The following GNB4 variants were observed in gnomAD, a reference collection of about 807,000 sequenced individuals.
GNB4 encodes the protein guanine nucleotide-binding protein subunit beta-4.
Under a neutral mutation model 45.2 loss-of-function variants are expected in GNB4, and 28 were observed. The ratio of observed to expected loss-of-function variants is 0.62; its 90% CI spans 0.46 to 0.85. The LOEUF is 0.85. Ranked by LOEUF, GNB4 falls within the 40% of genes least tolerant of loss-of-function variation. GNB4 has a pLI of 0.00. For missense variants in GNB4, 321 were observed against 425.4 expected (o/e 0.75, Z 2.16); for synonymous variants, 132 against 143.7 (o/e 0.92, Z 0.58).
chr3:179,486,918 C>T, the GNB4 span, among the ~76,000 whole-genome samples: 6 of 152,190 alleles, frequency 3.9e-5, no homozygotes, highest in Non-Finnish European at 7.3e-5. Flanking sequence ...GTTTAAACAT[C>T]GGGCCTCACA....
chr3:179,413,841 G>T, intron 6 of GNB4, 60 bp from the exon 7 acceptor site: 1 of 1,179,238 alleles, frequency 8.5e-7, no homozygotes, highest in Non-Finnish European at 1.3e-6. Context: ...CAGTTACCAT[G>T]TGAAATAGCA....
the GNB4 span, among the ~76,000 whole-genome samples, chr3:179,477,211 A>G: frequency 1.3e-5 from 2 of 151,452 alleles, no homozygotes; most frequent in Non-Finnish European, 2.9e-5. Context: ...CACTTTTTAA[A>G]TTCTTTACAA....
chr3:179,408,252 AAC>A (rs1179331670), intron 8 of GNB4, among the ~76,000 whole-genome samples: 1 of 152,200 alleles, frequency 6.6e-6, no homozygotes, highest in Non-Finnish European at 1.5e-5. Context: ...AGATAAAATT[AAC>A]AGACAAGGAC....
the GNB4 span, among the ~76,000 whole-genome samples, chr3:179,520,036 G>A: frequency 0.18 from 26,791 of 151,962 alleles, 2,502 homozygotes; most frequent in Admixed American, 0.22. Flanking sequence ...TATCCACCCC[G>A]TGGTGGCACA....
the GNB4 span, among the ~76,000 whole-genome samples, chr3:179,525,892 G>T: frequency 1.3e-5 from 2 of 152,196 alleles, no homozygotes; most frequent in African/African-American, 4.8e-5. Flanking sequence ...TCTCCTCATG[G>T]AGTGAGGGTG....
intron 9 of GNB4, among the ~76,000 whole-genome samples, chr3:179,402,744 C>T (rs1338309177): frequency 6.6e-6 from 1 of 152,152 alleles, no homozygotes; most frequent in African/African-American, 2.4e-5. Flanking sequence ...AGTGTCCCTA[C>T]TAGGTAGAAC....
At chr3:179,494,983 G>C in the GNB4 span, among the ~76,000 whole-genome samples, 21 of 150,662 alleles carry the variant, frequency 1.4e-4, no homozygotes, top group African/African-American at 4.2e-4. Context: ...TCTTTGGAGA[G>C]ATATGGATAT....
chr3:179,469,182 G>T, the GNB4 span, among the ~76,000 whole-genome samples: 2 of 152,102 alleles, frequency 1.3e-5, no homozygotes, highest in Non-Finnish European at 2.9e-5. Flanking sequence ...TTTCTAAAAT[G>T]CATGAAACCA....
At chr3:179,418,802 A>T (rs1227429405) in intron 4 of GNB4, among the ~76,000 whole-genome samples, 1 of 152,268 alleles carries the variant, frequency 6.6e-6, no homozygotes, top group Non-Finnish European at 1.5e-5. Context: ...GGAAAAACAT[A>T]GGCTGTGCTG....
the GNB4 span, among the ~76,000 whole-genome samples, chr3:179,489,542 G>A: frequency 1.3e-5 from 2 of 152,132 alleles, no homozygotes; most frequent in African/African-American, 4.8e-5. Context: ...TCAGGGGGCT[G>A]AAGTGGAAGG....
At chr3:179,469,995 GATTA>G in the GNB4 span, among the ~76,000 whole-genome samples, 1 of 152,176 alleles carries the variant, frequency 6.6e-6, no homozygotes, top group African/African-American at 2.4e-5. Flanking sequence ...TGATCCCATA[GATTA>G]CAAGGAAGCT....
At chr3:179,477,974 C>T in the GNB4 span, among the ~76,000 whole-genome samples, 1 of 152,088 alleles carries the variant, frequency 6.6e-6, no homozygotes, top group African/African-American at 2.4e-5. Flanking sequence ...TAACAGAATA[C>T]CATAGACAGG....
At chr3:179,459,724 C>T in the GNB4 span, among the ~76,000 whole-genome samples, 1 of 151,850 alleles carries the variant, frequency 6.6e-6, no homozygotes, top group African/African-American at 2.4e-5. Flanking sequence ...AAAAAAGAAG[C>T]CTACCTTCCA....
At chr3:179,417,981 G>A (rs1157173794) in intron 4 of GNB4, among the ~76,000 whole-genome samples, 5 of 152,104 alleles carry the variant, frequency 3.3e-5, no homozygotes, top group Admixed American at 2.6e-4. Context: ...TTGATAACAC[G>A]GATGGGTGGG....
the GNB4 span, among the ~76,000 whole-genome samples, chr3:179,497,243 A>G: frequency 2.6e-5 from 4 of 152,156 alleles, no homozygotes; most frequent in Admixed American, 6.5e-5. Flanking sequence ...CACCAGGAAT[A>G]TATAATGGAG....
At chr3:179,412,784 C>A (rs1376692257) in intron 8 of GNB4, among the ~76,000 whole-genome samples, 3 of 151,408 alleles carry the variant, frequency 2.0e-5, no homozygotes, top group African/African-American at 7.3e-5. Context: ...AGACTTTTTT[C>A]TCATCTGAAT....
At chr3:179,444,667 G>GT (rs1422251203) in intron 1 of GNB4, among the ~76,000 whole-genome samples, 2 of 151,980 alleles carry the variant, frequency 1.3e-5, no homozygotes, top group East Asian at 3.9e-4. Context: ...AGCCATGATC[G>GT]TACCACTGCA....
rs199878950 is a variant in GNB4 at position 179,416,559 on chromosome 3, A to G, written c.204-3T>C. ...CTTGAGAAGCACTGACTAGCAGCCT[A>G]GAGGAACAAACACAAAAATAATTTG... On this transcript the variant is annotated splice_region_variant and splice_polypyrimidine_tract_variant and intron_variant, in intron 4 of 9. Transcript: ENST00000232564. 2.7e-5 allele frequency: 43 copies of G among 1,585,744 alleles called. No individual in the cohort carries two copies. In the East Asian group the frequency reaches 9.1e-4, roughly 34 times the overall value.
intron 2 of GNB4, among the ~76,000 whole-genome samples, chr3:179,422,275 T>C (rs974090656): frequency 3.3e-5 from 5 of 152,210 alleles, no homozygotes; most frequent in Non-Finnish European, 7.3e-5. Flanking sequence ...AATTACATTA[T>C]GCAAAGATTC....
Sources: allele counts gnomAD v4.1 joint callset (sites outside exome capture counted in the v4.1 genomes callset), GRCh38; gene constraint gnomAD v4.1.1; transcripts MANE v1.5; gene names NCBI Gene and HGNC (gene_info 2026-07-23, HGNC 2026-07-21).